Variants in CASZ1 observed in about 807,000 individuals in gnomAD.
CASZ1 encodes the protein castor zinc finger 1, also known as zinc finger protein castor homolog 1.
A neutral mutation model predicts 135.2 loss-of-function variants in CASZ1; 28 were observed. The observed-to-expected ratio is 0.21, with a 90% confidence interval of 0.15 to 0.28. The LOEUF is 0.28. Among genes scored for constraint, CASZ1 ranks in the 10% least tolerant of loss-of-function variants. The probability of loss-of-function intolerance (pLI) is 1.00; values close to 1 mark genes in which losing one functional copy is unlikely to be tolerated. For missense variants in CASZ1, 2,161 were observed against 2,453.3 expected, an observed-to-expected ratio of 0.88 and a Z score of 2.52; for synonymous variants, 1,068 against 1,073.4, an observed-to-expected ratio of 0.99 and a Z score of 0.10.
rs761720731 is a variant in CASZ1, at chr1:10,659,663, C to A, written c.1340+39G>T. The A allele has an allele frequency of 2.6e-6, 4 of 1,545,246 alleles. No homozygotes were observed. In the South Asian group the frequency reaches 4.5e-5, roughly 17 times the overall value. The stretch of plus-strand genomic sequence containing the variant: ...GAAGGAGGCCTCCTGTCTAGTCTGG[C>A]TCCTGGCTCTGGGCATTGTGGGGTG... On this transcript the variant is annotated intron_variant, in intron 6 of 20. Transcript: ENST00000377022.
At chr1:10,782,508 C>T (rs1209941047) in intron 1 of CASZ1, among the ~76,000 whole-genome samples, 2 of 152,208 alleles carry the variant, frequency 1.3e-5, no homozygotes, top group Non-Finnish European at 2.9e-5. Context: ...CATGAGCCAC[C>T]GACTCCCCAG....
rs1289941926 is a variant in CASZ1 at position 10,739,654 on chromosome 1, C to G, written c.-77+21047G>C. Among the ~76,000 whole-genome samples the G allele has an allele frequency of 1.3e-5, 2 of 152,204 alleles. No homozygotes were observed. Among genetic ancestry groups the G allele is most frequent in the Non-Finnish European group, 2.9e-5 (2 of 68,030 alleles). On this transcript the variant is annotated intron_variant, in intron 2 of 20. Coordinates refer to ENST00000377022, the MANE Select transcript of CASZ1 (RefSeq NM_001079843.3). The surrounding 1 kb of genome is among the most constrained non-coding windows in gnomAD (Gnocchi z 4.8). Reference sequence around the variant, plus strand: ...ACAGGGCCACCAGCTCCTCAAGAGTCCAAGCTATAGTTTGGCCCAAATGTC... The same window carrying G: ...ACAGGGCCACCAGCTCCTCAAGAGTGCAAGCTATAGTTTGGCCCAAATGTC...
At chr1:10,658,334 A>C in intron 7 of CASZ1, 174 bp downstream of exon 7, 1 of 611,686 alleles carries the variant, frequency 1.6e-6, no homozygotes, top group Non-Finnish European at 3.0e-6. Flanking sequence ...GGAGGCTCCC[A>C]AACGGGCGTG....
chr1:10,785,415 T>C (rs1013521134), intron 1 of CASZ1, among the ~76,000 whole-genome samples: 7 of 152,152 alleles, frequency 4.6e-5, no homozygotes, highest in Admixed American at 1.3e-4. Context: ...AGATCTCAGA[T>C]AGTGAAACAA....
Position 10,643,315 on chromosome 1 carries a change from T to C in CASZ1, c.3869-4A>G. 1.2e-6 allele frequency: 2 copies of C among 1,612,492 alleles called. No individual in the cohort carries two copies. The highest frequency in any genetic ancestry group is 1.7e-6 in the Non-Finnish European group (2 of 1,179,830). ...TTCACCTGGTTGTACTTGCAACCTGTGGACACAGCCCCACCTGGCATGAGC... is the reference window on the plus strand; with the variant it reads ...TTCACCTGGTTGTACTTGCAACCTGCGGACACAGCCCCACCTGGCATGAGC... On this transcript the variant is annotated splice_region_variant and splice_polypyrimidine_tract_variant and intron_variant, in intron 18 of 20. Coordinates refer to ENST00000377022, the MANE Select transcript of CASZ1 (RefSeq NM_001079843.3).
In CASZ1 at chr1:10,790,167, G is replaced by T. The variant is rs1640931393; in HGVS notation, c.-234+6397C>A. On this transcript the variant is annotated intron_variant, in intron 1 of 20. Coordinates refer to ENST00000377022, the MANE Select transcript of CASZ1 (RefSeq NM_001079843.3). ...AACCACGGCTGACTTCTGGCCATCT[G>T]GGACTTTTTAATTTCAAAATAAGAA... 5.3e-5 allele frequency among the ~76,000 whole-genome samples: 8 copies of T among 152,290 alleles called. No individual in the cohort carries two copies. The South Asian group carries it at 1.7e-3, about 32-fold the overall frequency.
chr1:10,656,505 G>T, intron 8 of CASZ1, 141 bp downstream of exon 8: 1 of 646,792 alleles, frequency 1.5e-6, no homozygotes. Flanking sequence ...TGGTTTTGCG[G>T]GCCCTCTACC....
At chr1:10,680,286 G>GCA (rs1442670852) in intron 4 of CASZ1, among the ~76,000 whole-genome samples, 1 of 122,494 alleles carries the variant, frequency 8.2e-6, no homozygotes, top group Non-Finnish European at 1.9e-5. Context: ...GGCGGGGGAT[G>GCA]GTGGAGGGGA....
intron 1 of CASZ1, among the ~76,000 whole-genome samples, chr1:10,791,807 G>A (rs1640961218): frequency 6.6e-6 from 1 of 151,706 alleles, no homozygotes; most frequent in Admixed American, 6.6e-5. Flanking sequence ...CTAAGCCAGA[G>A]GAAAAAAAAG....
chr1:10,718,052 G>T (rs530971061), intron 2 of CASZ1, among the ~76,000 whole-genome samples: 1 of 152,372 alleles, frequency 6.6e-6, no homozygotes, highest in South Asian at 2.1e-4. Flanking sequence ...GAGGTGGGTG[G>T]AACTGCCTTC....
chr1:10,767,930 C>T lies in CASZ1; in HGVS notation c.-233-7073G>A, dbSNP rs946894464. Among the ~76,000 whole-genome samples, 3 of 152,162 alleles carry T rather than the reference C, an allele frequency of 2.0e-5. No homozygotes were observed. Among genetic ancestry groups the T allele is most frequent in the African/African-American group, 7.2e-5 (3 of 41,446 alleles). On this transcript the variant is annotated intron_variant, in intron 1 of 20. Transcript: ENST00000377022. The surrounding 1 kb of genome is among the most constrained non-coding windows in gnomAD (Gnocchi z 4.2). Reference sequence around the variant, plus strand: ...CCAACCCTAGTCACAGGAGGGTCACCCACCATTGCAAGGTCTTCCTGGAGC... The same window carrying T: ...CCAACCCTAGTCACAGGAGGGTCACTCACCATTGCAAGGTCTTCCTGGAGC...
At chr1:10,786,322 CAG>C (rs1450203997) in intron 1 of CASZ1, among the ~76,000 whole-genome samples, 1 of 152,166 alleles carries the variant, frequency 6.6e-6, no homozygotes, top group East Asian at 1.9e-4. Flanking sequence ...CGCATGTGGG[CAG>C]AGTCTTCATT....
rs370286165 is a variant in CASZ1 at position 10,743,761 on chromosome 1, G to A, written c.-77+16940C>T. Among the ~76,000 whole-genome samples the A allele has an allele frequency of 6.0e-5, 9 of 150,826 alleles. No individual in the cohort carries two copies. In the East Asian group the frequency reaches 9.8e-4, roughly 16 times the overall value. ...CCCCTCTCCAGCCTTGGAGAACCCC[G>A]ATCCCGTGACGGGAGGGCAGGCGGG... On this transcript the variant is annotated intron_variant, in intron 2 of 20. Coordinates refer to ENST00000377022, the MANE Select transcript of CASZ1 (RefSeq NM_001079843.3).
chr1:10,786,381 G>A (rs76609180), intron 1 of CASZ1, among the ~76,000 whole-genome samples: 1 of 152,198 alleles, frequency 6.6e-6, no homozygotes, highest in Non-Finnish European at 1.5e-5. Context: ...AGGACCCCAG[G>A]CAGGCCAGAG....
At chr1:10,745,511 A>G (rs1047938029) in intron 2 of CASZ1, among the ~76,000 whole-genome samples, 1 of 152,196 alleles carries the variant, frequency 6.6e-6, no homozygotes, top group Admixed American at 6.5e-5. Context: ...CTGGGTGTGC[A>G]ACCCATGCAG....
rs891824628 is a variant in CASZ1, at chr1:10,794,093, C to A, written c.-234+2471G>T. On this transcript the variant is annotated intron_variant, in intron 1 of 20. Transcript: ENST00000377022. The surrounding 1 kb of genome is among the most constrained non-coding windows in gnomAD (Gnocchi z 5.6). ...ACCCCCCTCCCCATGCCCGGCGCAG[C>A]TGCTCCTGCTCAGCCGGGACAGCTC... 9.2e-5 allele frequency among the ~76,000 whole-genome samples: 14 copies of A among 152,250 alleles called. No homozygotes were observed. Among genetic ancestry groups the A allele is most frequent in the African/African-American group, 2.9e-4 (12 of 41,558 alleles).
At position 10,665,351 on chromosome 1, in the gene CASZ1, G is replaced by A. The variant is rs201891525; in HGVS notation, c.237C>T (p.Ser79=). Residue 79 remains serine (S), a synonymous_variant, in exon 5 of 21, where the codon AGC becomes AGT. Coordinates refer to ENST00000377022, the MANE Select transcript of CASZ1 (RefSeq NM_001079843.3). ...PESGAARAPR[S]EEDKRRAVIE... The stretch of plus-strand genomic sequence containing the variant: ...TCACTGCCCGTCTCTTGTCTTCCTC[G>A]CTGCGGGGGGCCCGGGCTGCCCCAG... 44 of 1,611,448 alleles carry A rather than the reference G, an allele frequency of 2.7e-5. No homozygotes were observed. The highest frequency in any genetic ancestry group is 3.3e-4 in the Middle Eastern group (2 of 6,050).
chr1:10,698,194 C>T (rs1311518767), intron 3 of CASZ1, among the ~76,000 whole-genome samples: 7 of 152,228 alleles, frequency 4.6e-5, no homozygotes, highest in Non-Finnish European at 7.3e-5. Context: ...CGCTCGGCCC[C>T]GTAATCCTGT....
Position 10,646,431 on chromosome 1 carries a change from A to T in CASZ1, c.3498-105T>A. The stretch of plus-strand genomic sequence containing the variant: ...AGTTCACTCCCCCACGACCAGCGGT[A>T]CCACCAAGAGGGATGGCCTGGGCTG... On this transcript the variant is annotated intron_variant, in intron 16 of 20. Transcript: ENST00000377022. The surrounding 1 kb of genome is among the most constrained non-coding windows in gnomAD (Gnocchi z 6.4). The T allele has an allele frequency of 9.3e-7, 1 of 1,073,314 alleles. No individual in the cohort carries two copies. The highest frequency in any genetic ancestry group is 1.4e-5 in the South Asian group (1 of 69,918). The allele number at this position is 1,073,314 out of a possible 1,614,324, so 66.5% of individuals were successfully genotyped here.
Sources: gnomAD v4.1 joint callset for allele counts (sites outside exome capture counted in the v4.1 genomes callset) on GRCh38, gnomAD v4.1.1 for gene constraint, Gnocchi (gnomAD v3.1) non-coding constraint, MANE v1.5 for transcripts, NCBI Gene and HGNC (gene_info 2026-07-23, HGNC 2026-07-21) for gene names.